The following DERA variants were observed in gnomAD, a reference collection of about 807,000 sequenced individuals.
DERA encodes the protein 2-deoxy-D-ribose 5-phosphate aldolase.
DERA carries 15 observed loss-of-function variants against 41.1 expected under a neutral mutation model. The ratio of observed to expected loss-of-function variants is 0.37; its 90% CI spans 0.24 to 0.56. The LOEUF is 0.56. DERA is among the 20% of genes least tolerant of loss of function. The probability of loss-of-function intolerance (pLI) is 0.81; values close to 1 mark genes in which losing one functional copy is unlikely to be tolerated. For synonymous variants in DERA, 139 were observed against 137.4 expected (o/e 1.01, Z -0.08); for missense variants, 396 against 403.4 (o/e 0.98, Z 0.16).
chr12:15,930,864 A>AT (rs1304428392), intron 1 of DERA, among the ~76,000 whole-genome samples: 5 of 152,170 alleles, frequency 3.3e-5, no homozygotes, highest in African/African-American at 1.2e-4. Flanking sequence ...CCAAAAATAG[A>AT]TTTTTTCCTG....
At chr12:16,023,428 C>CA (rs1949029478) in intron 6 of DERA, among the ~76,000 whole-genome samples, 1 of 143,774 alleles carries the variant, frequency 7.0e-6, no homozygotes, top group Non-Finnish European at 1.5e-5. Context: ...TAGCTTTCAA[C>CA]AAAAAATACA....
rs1948744755 is a variant in DERA at position 15,983,343 on chromosome 12, C to T, written c.637+907C>T. Among the ~76,000 whole-genome samples the T allele has an allele frequency of 1.3e-5, 2 of 152,126 alleles. No individual in the cohort carries two copies. ...GCTGTGCCTCTGCTGTGTCATTTTC[C>T]CTTCACACCATGTTCTCCAGCCAGG... On this transcript the variant is annotated intron_variant, in intron 6 of 8. Transcript: ENST00000428559. The surrounding 1 kb of genome is among the most constrained non-coding windows in gnomAD (Gnocchi z 6.2).
Position 15,918,190 on chromosome 12 carries a change from C to A in DERA, c.31+6776C>A, listed in dbSNP as rs536660974. Among the ~76,000 whole-genome samples, 1 of 152,322 alleles carries A rather than the reference C, an allele frequency of 6.6e-6. No homozygotes were observed. The highest frequency in any genetic ancestry group is 2.1e-4 in the South Asian group (1 of 4,824). On this transcript the variant is annotated intron_variant, in intron 1 of 8. Transcript: ENST00000428559. This position sits in a 1 kb window ranked among gnomAD's most constrained non-coding sequence, Gnocchi z 4.3. ...GCTGGGCCTCCCTCCTGTGAGTCTGCCTTCCTCATCCCGCTGGTGCTTGGT... is the reference window on the plus strand; with the variant it reads ...GCTGGGCCTCCCTCCTGTGAGTCTGACTTCCTCATCCCGCTGGTGCTTGGT...
In DERA at chr12:15,992,475, G is replaced by A. The variant is rs1948808802; in HGVS notation, c.637+10039G>A. On this transcript the variant is annotated intron_variant, in intron 6 of 8. Coordinates refer to ENST00000428559, the MANE Select transcript of DERA (RefSeq NM_015954.4). The surrounding 1 kb of genome is among the most constrained non-coding windows in gnomAD (Gnocchi z 4.3). Reference sequence around the variant, plus strand: ...TGGATCTGGAGGCAAGGAAGAACCAGGGAGAACTTTTTGCTTTGGTTTTGG... The same window carrying A: ...TGGATCTGGAGGCAAGGAAGAACCAAGGAGAACTTTTTGCTTTGGTTTTGG... Among the ~76,000 whole-genome samples the A allele has an allele frequency of 6.6e-6, 1 of 152,112 alleles. No homozygotes were observed. The highest frequency in any genetic ancestry group is 1.5e-5 in the Non-Finnish European group (1 of 67,978).
At position 16,021,746 on chromosome 12, in the gene DERA, T is replaced by G. The variant is rs1949018306; in HGVS notation, c.638-10796T>G. ...GAGCTTTAAGACTTAATGACTGCCC[T>G]GCTGAGTTTGGGGCTTGTATGAGGC... On this transcript the variant is annotated intron_variant, in intron 6 of 8. Transcript: ENST00000428559. The surrounding 1 kb of genome is among the most constrained non-coding windows in gnomAD (Gnocchi z 5.3). 6.6e-6 allele frequency among the ~76,000 whole-genome samples: 1 copy of G among 152,258 alleles called. No individual in the cohort carries two copies. Among genetic ancestry groups the G allele is most frequent in the South Asian group, 2.1e-4 (1 of 4,838 alleles).
chr12:16,002,473 A>G (rs1948882211), intron 6 of DERA, among the ~76,000 whole-genome samples: 1 of 151,948 alleles, frequency 6.6e-6, no homozygotes, highest in South Asian at 2.1e-4. Flanking sequence ...CTTTTTTTAA[A>G]TTTAAATTTT....
At chr12:16,007,465 T>G (rs1948920097) in intron 6 of DERA, among the ~76,000 whole-genome samples, 1 of 152,242 alleles carries the variant, frequency 6.6e-6, no homozygotes, top group Non-Finnish European at 1.5e-5. Flanking sequence ...ATTGCAGGCG[T>G]GAGCCACTGT....
rs753064457 is a variant in DERA at position 15,956,987 on chromosome 12, G to A, written c.83G>A (p.Arg28His). Reference protein sequence around the residue: ...IQVNHPAVLRRAEQIQARRTV... With the variant: ...IQVNHPAVLRHAEQIQARRTV... ...GTGAATCACCCGGCAGTTCTGAGGC[G>A]TGCGGAACAAATCCAGGCTCGCAGA... is the stretch of plus-strand genomic sequence containing the variant. Residue 28 changes from arginine to histidine, a missense_variant, in exon 2 of 9, where the codon CGT becomes CAT. Coordinates refer to ENST00000428559, the MANE Select transcript of DERA (RefSeq NM_015954.4). 1.1e-5 allele frequency: 18 copies of A among 1,613,812 alleles called. No homozygotes were observed. The highest frequency in any genetic ancestry group is 1.6e-4 in the Middle Eastern group (1 of 6,082).
chr12:15,956,769 T>C, intron 1 of DERA, 167 bp from the exon 2 acceptor site: 1 of 712,834 alleles, frequency 1.4e-6, no homozygotes. Context: ...TTGACTGGTC[T>C]TCCATCAATA....
rs778377483 is a variant in DERA, at chr12:15,922,864, G to A, written c.31+11450G>A. On this transcript the variant is annotated intron_variant, in intron 1 of 8. Coordinates refer to ENST00000428559, the MANE Select transcript of DERA (RefSeq NM_015954.4). This position sits in a 1 kb window ranked among gnomAD's most constrained non-coding sequence, Gnocchi z 4.9. ...GACACACGAGAATGTAGGTTCATCA[G>A]TTGTAAGGTTTATACCACTCTGGTG... 6.6e-6 allele frequency among the ~76,000 whole-genome samples: 1 copy of A among 152,092 alleles called. No individual in the cohort carries two copies. Among genetic ancestry groups the A allele is most frequent in the Non-Finnish European group, 1.5e-5 (1 of 68,024 alleles).
chr12:15,913,330 C>T lies in DERA; in HGVS notation c.31+1916C>T, dbSNP rs569602211. 2.6e-5 allele frequency among the ~76,000 whole-genome samples: 4 copies of T among 152,086 alleles called. No individual in the cohort carries two copies. Among genetic ancestry groups the T allele is most frequent in the African/African-American group, 7.2e-5 (3 of 41,506 alleles). The stretch of plus-strand genomic sequence containing the variant: ...GTTAAAATCAGATTTTTTTCCTTCA[C>T]GGGTATTAATCCTTAATCCAAACAG... On this transcript the variant is annotated intron_variant, in intron 1 of 8. Coordinates refer to ENST00000428559, the MANE Select transcript of DERA (RefSeq NM_015954.4). This position sits in a 1 kb window ranked among gnomAD's most constrained non-coding sequence, Gnocchi z 4.5.
intron 1 of DERA, among the ~76,000 whole-genome samples, chr12:15,947,039 A>G (rs190848465): frequency 6.6e-6 from 1 of 152,242 alleles, no homozygotes; most frequent in East Asian, 1.9e-4. Context: ...AGCAGTTTTG[A>G]GTGAGTTTCT....
intron 1 of DERA, among the ~76,000 whole-genome samples, chr12:15,914,073 A>G (rs1313911133): frequency 2.0e-5 from 3 of 152,196 alleles, no homozygotes; most frequent in Non-Finnish European, 4.4e-5. Flanking sequence ...TGTTTGGTAC[A>G]CAGAAGGCCC....
At chr12:15,937,525 G>A (rs141195356) in intron 1 of DERA, among the ~76,000 whole-genome samples, 1 of 152,270 alleles carries the variant, frequency 6.6e-6, no homozygotes, top group East Asian at 1.9e-4. Context: ...CCATGTGAAT[G>A]TCTCATTTTT....
rs184271416 is a variant in DERA at position 16,013,306 on chromosome 12, T to G, written c.638-19236T>G. 2.6e-5 allele frequency among the ~76,000 whole-genome samples: 4 copies of G among 152,344 alleles called. No homozygotes were observed. The East Asian group carries it at 7.7e-4, about 29-fold the overall frequency. On this transcript the variant is annotated intron_variant, in intron 6 of 8. Transcript: ENST00000428559. The surrounding 1 kb of genome is among the most constrained non-coding windows in gnomAD (Gnocchi z 5.8). ...TCCCCACCCAAATGTCATCTTGAAT[T>G]GTAATCCCCATAATCCCCACATGTT... is the stretch of plus-strand genomic sequence containing the variant.
chr12:16,007,464 G>A (rs1948920079), intron 6 of DERA, among the ~76,000 whole-genome samples: 1 of 152,164 alleles, frequency 6.6e-6, no homozygotes, highest in South Asian at 2.1e-4. Flanking sequence ...GATTGCAGGC[G>A]TGAGCCACTG....
intron 6 of DERA, among the ~76,000 whole-genome samples, chr12:16,027,795 T>G (rs1195863941): frequency 1.3e-5 from 2 of 152,218 alleles, no homozygotes; most frequent in African/African-American, 4.8e-5. Context: ...GATATAAAAC[T>G]GTCTTTGTTT....
chr12:15,995,897 C>T lies in DERA; in HGVS notation c.637+13461C>T, dbSNP rs1009290699. 6.6e-6 allele frequency among the ~76,000 whole-genome samples: 1 copy of T among 152,070 alleles called. No individual in the cohort carries two copies. The highest frequency in any genetic ancestry group is 1.9e-4 in the East Asian group (1 of 5,186). ...TTAACTCAAAGTAGTAGGACTAGGA[C>T]CAACTTTTAGACATTGTGGGAAGAT... is the stretch of plus-strand genomic sequence containing the variant. On this transcript the variant is annotated intron_variant, in intron 6 of 8. Transcript: ENST00000428559. This position sits in a 1 kb window ranked among gnomAD's most constrained non-coding sequence, Gnocchi z 5.1.
At position 15,982,520 on chromosome 12, in the gene DERA, A is replaced by G; in HGVS notation, c.637+84A>G. On this transcript the variant is annotated intron_variant, in intron 6 of 8. Transcript: ENST00000428559. The surrounding 1 kb of genome is among the most constrained non-coding windows in gnomAD (Gnocchi z 4.0). ...AAGTAAGTGAAAGCATTTAGCTATT[A>G]TTAAACGTGCTAACCACTTGGAATT... 7.0e-7 allele frequency: 1 copy of G among 1,422,942 alleles called. No individual in the cohort carries two copies. Among genetic ancestry groups the G allele is most frequent in the Non-Finnish European group, 9.4e-7 (1 of 1,062,168 alleles). The allele number at this position is 1,422,942 out of a possible 1,614,324, so 88.1% of individuals were successfully genotyped here.
Sources: allele counts gnomAD v4.1 joint callset (sites outside exome capture counted in the v4.1 genomes callset), GRCh38; gene constraint gnomAD v4.1.1; non-coding constraint Gnocchi (gnomAD v3.1); transcripts MANE v1.5; gene names NCBI Gene and HGNC (gene_info 2026-07-23, HGNC 2026-07-21).